Variants in NPAS3 observed in about 807,000 individuals in gnomAD.
The protein encoded by NPAS3 is neuronal PAS domain protein 3, also known as neuronal PAS domain-containing protein 3.
Under a neutral mutation model 73.1 loss-of-function variants are expected in NPAS3, and 14 were observed. That is an observed-to-expected ratio of 0.19 (90% CI 0.13 to 0.30). NPAS3 has a LOEUF of 0.30. Among genes scored for constraint, NPAS3 ranks in the 10% least tolerant of loss-of-function variants. The pLI is 1.00. For missense variants in NPAS3, 1,096 were observed against 1,250.0 expected, an observed-to-expected ratio of 0.88 and a Z score of 1.86; for synonymous variants, 620 against 541.5, an observed-to-expected ratio of 1.14 and a Z score of -2.01.
intron 1 of NPAS3, among the ~76,000 whole-genome samples, chr14:33,050,501 T>A (rs887480857): frequency 1.3e-5 from 2 of 152,196 alleles, no homozygotes; most frequent in African/African-American, 4.8e-5. Flanking sequence ...TTCTGCTCCA[T>A]CTTATCTGCA....
chr14:33,544,788 T>TTATACATATATATATATATATA (rs1555409892), intron 4 of NPAS3, among the ~76,000 whole-genome samples: 7 of 63,264 alleles, frequency 1.1e-4, no homozygotes, highest in African/African-American at 6.0e-4. Context: ...TGTGTGTGTA[T>TTATACATATATATATATATATA]TATATATATA....
intron 5 of NPAS3, among the ~76,000 whole-genome samples, chr14:33,604,349 G>A (rs540293321): frequency 2.0e-5 from 3 of 152,078 alleles, no homozygotes; most frequent in African/African-American, 7.2e-5. Context: ...AGCACTAATA[G>A]AAAGAGTAGC....
intron 1 of NPAS3, among the ~76,000 whole-genome samples, chr14:33,022,664 CAAAAAAA>C (rs34475386): frequency 3.1e-5 from 3 of 97,432 alleles, no homozygotes; most frequent in South Asian, 3.7e-4. Flanking sequence ...GACTCCGTCC[CAAAAAAA>C]AAAAAAAAAA....
chr14:33,762,904 G>A (rs2062340413), intron 7 of NPAS3, among the ~76,000 whole-genome samples: 3 of 152,178 alleles, frequency 2.0e-5, no homozygotes, highest in African/African-American at 4.8e-5. Flanking sequence ...TCTTAAGTTT[G>A]ATCGAATCAT....
At chr14:33,288,274 G>T (rs532229704) in intron 3 of NPAS3, among the ~76,000 whole-genome samples, 49 of 152,134 alleles carry the variant, frequency 3.2e-4, no homozygotes, top group African/African-American at 1.1e-3. Flanking sequence ...TTTGGCCCTT[G>T]TGCATTTTTC....
At chr14:33,701,888 T>C (rs1452871481) in intron 6 of NPAS3, among the ~76,000 whole-genome samples, 1 of 152,210 alleles carries the variant, frequency 6.6e-6, no homozygotes, top group Non-Finnish European at 1.5e-5. Flanking sequence ...CTTTGGAGGC[T>C]ACAAAGATGA....
intron 2 of NPAS3, among the ~76,000 whole-genome samples, chr14:33,197,159 A>G (rs1394950699): frequency 1.3e-5 from 2 of 152,118 alleles, no homozygotes; most frequent in South Asian, 2.1e-4. Flanking sequence ...AACATACACC[A>G]TTCCTTACTG....
At chr14:32,965,457 C>T (rs1457178585) in intron 1 of NPAS3, among the ~76,000 whole-genome samples, 1 of 152,120 alleles carries the variant, frequency 6.6e-6, no homozygotes, top group Non-Finnish European at 1.5e-5. Flanking sequence ...AGGCCAAAAA[C>T]CATCTGATCA....
At chr14:33,541,358 A>G (rs2054510799) in intron 4 of NPAS3, among the ~76,000 whole-genome samples, 1 of 152,196 alleles carries the variant, frequency 6.6e-6, no homozygotes, top group Non-Finnish European at 1.5e-5. Flanking sequence ...ATGATGCTAA[A>G]TCATTTTCCC....
intron 3 of NPAS3, among the ~76,000 whole-genome samples, chr14:33,285,905 T>A (rs1488739659): frequency 2.0e-5 from 3 of 152,188 alleles, no homozygotes; most frequent in African/African-American, 7.2e-5. Context: ...AGACTGAATT[T>A]GTTGCACTCT....
intron 4 of NPAS3, among the ~76,000 whole-genome samples, chr14:33,514,307 C>T (rs536731984): frequency 1.3e-5 from 2 of 152,086 alleles, no homozygotes; most frequent in East Asian, 3.9e-4. Context: ...TAAATCCAAC[C>T]TCCTATCCCT....
intron 3 of NPAS3, among the ~76,000 whole-genome samples, chr14:33,260,690 G>T (rs1338894562): frequency 6.6e-6 from 1 of 151,938 alleles, no homozygotes; most frequent in East Asian, 1.9e-4. Context: ...TTTTGTCCTG[G>T]TCTTCCTCAT....
At chr14:33,705,716 C>T (rs1176682514) in intron 6 of NPAS3, among the ~76,000 whole-genome samples, 1 of 152,138 alleles carries the variant, frequency 6.6e-6, no homozygotes, top group African/African-American at 2.4e-5. Context: ...GGATACAGAT[C>T]AGTAACTGAA....
chr14:32,944,299 G>A (rs553103357), intron 1 of NPAS3, among the ~76,000 whole-genome samples: 2 of 152,002 alleles, frequency 1.3e-5, no homozygotes, highest in Non-Finnish European at 2.9e-5. Context: ...ATTGTATTTG[G>A]GCTACAGTCT....
chr14:33,176,626 G>C (rs750891783), intron 2 of NPAS3, among the ~76,000 whole-genome samples: 2 of 152,144 alleles, frequency 1.3e-5, no homozygotes, highest in Non-Finnish European at 2.9e-5. Flanking sequence ...TCTGTTGATG[G>C]ACACTTGGGT....
chr14:33,767,030 G>A (rs2140860015), intron 7 of NPAS3, among the ~76,000 whole-genome samples: 2 of 152,350 alleles, frequency 1.3e-5, no homozygotes, highest in African/African-American at 4.8e-5. Context: ...CCTCCCAGAA[G>A]GTCTAAGGGC....
rs1364119296 is a variant in NPAS3, at chr14:33,794,049, A to G, written c.1301+5A>G. 3 of 1,609,614 alleles carry G rather than the reference A, an allele frequency of 1.9e-6. No homozygotes were observed. The highest frequency in any genetic ancestry group is 4.5e-5 in the East Asian group (2 of 44,858). ...CTGGGTGAATTACCTTCTTAGGTAT[A>G]TTTTCTACTTCTTTTCTATTTCTGT... On this transcript the variant is annotated splice_donor_5th_base_variant and intron_variant, in intron 10 of 11. Coordinates refer to ENST00000356141, the Ensembl canonical transcript of NPAS3.
chr14:33,501,630 GTTT>G (rs537009195), intron 4 of NPAS3, among the ~76,000 whole-genome samples: 2 of 138,568 alleles, frequency 1.4e-5, no homozygotes, highest in Admixed American at 7.2e-5. Flanking sequence ...ATCTGGATTT[GTTT>G]TTTTTTTTTT....
At chr14:33,528,670 C>T (rs1015407404) in intron 4 of NPAS3, among the ~76,000 whole-genome samples, 9 of 152,010 alleles carry the variant, frequency 5.9e-5, no homozygotes, top group Non-Finnish European at 1.3e-4. Context: ...TTGCATTTAC[C>T]CAGTGGACCA....
Sources: gnomAD v4.1 joint callset for allele counts (sites outside exome capture counted in the v4.1 genomes callset) on GRCh38, gnomAD v4.1.1 for gene constraint, MANE v1.5 for transcripts, NCBI Gene and HGNC (gene_info 2026-07-23, HGNC 2026-07-21) for gene names.